The following RHOBTB2 variants were observed in gnomAD, a reference collection of about 807,000 sequenced individuals.
The protein encoded by RHOBTB2 is Rho related BTB domain containing 2.
RHOBTB2 carries 39 observed loss-of-function variants against 66.5 expected under a neutral mutation model. That is an observed-to-expected ratio of 0.59 (90% CI 0.45 to 0.77). RHOBTB2 has a LOEUF of 0.77. Ranked by LOEUF, RHOBTB2 falls within the 30% of genes least tolerant of loss-of-function variation. The pLI, the probability that RHOBTB2 is intolerant of heterozygous loss-of-function variation, is 0.00. For synonymous variants in RHOBTB2, 390 were observed against 395.0 expected, an observed-to-expected ratio of 0.99 and a Z score of 0.15; for missense variants, 755 against 999.1, an observed-to-expected ratio of 0.76 and a Z score of 3.29.
At chr8:22,968,412 G>T in the RHOBTB2 span, among the ~76,000 whole-genome samples, 1 of 152,034 alleles carries the variant, frequency 6.6e-6, no homozygotes, top group Non-Finnish European at 1.5e-5. Flanking sequence ...CTAGTTAGTT[G>T]AGAAGATTTA....
rs1300750276 is a variant in RHOBTB2, at chr8:23,007,588, T to C, written c.1343T>C (p.Ile448Thr). The C allele has an allele frequency of 2.5e-6, 4 of 1,614,100 alleles. No homozygotes were observed. The African/African-American group carries it at 5.3e-5, about 22-fold the overall frequency. The change falls in exon 5 of 10, where the codon ATT becomes ACT. Residue 448 changes from isoleucine (I) to threonine (T), a missense_variant. By Grantham distance (89) the Ile-to-Thr change is moderately conservative. Around this residue, in one of 7 missense-constraint regions of RHOBTB2, gnomAD observed 353 missense variants for 458.2 expected, o/e 0.77. Coordinates refer to ENST00000251822, the MANE Select transcript of RHOBTB2 (RefSeq NM_015178.3). ...GAGAACGAGCGTGACCTCATGCACA[T>C]TGCCCACATTGCTGAGCTGCTCGAG... is the stretch of plus-strand genomic sequence containing the variant. ...LDENERDLMH[I>T]AHIAELLEVF...
intron 7 of RHOBTB2, among the ~76,000 whole-genome samples, chr8:23,013,328 CCCT>C (rs1415633284): frequency 6.6e-6 from 1 of 152,016 alleles, no homozygotes; most frequent in Non-Finnish European, 1.5e-5. Context: ...CTCCACCTCT[CCCT>C]CCTCTCTCAC....
chr8:22,986,132 C>T (rs1015889795), upstream of RHOBTB2, among the ~76,000 whole-genome samples: 21 of 139,224 alleles, frequency 1.5e-4, no homozygotes, highest in African/African-American at 5.2e-4. Flanking sequence ...ACTGCAAGGA[C>T]GGTGGACTTC....
intron 1 of RHOBTB2, among the ~76,000 whole-genome samples, chr8:22,989,225 A>G (rs776499765): frequency 1.3e-5 from 2 of 151,964 alleles, no homozygotes; most frequent in Non-Finnish European, 2.9e-5. Flanking sequence ...TTGGCTCACT[A>G]CAACCTCTGC....
At chr8:22,979,710 C>CT in the RHOBTB2 span, among the ~76,000 whole-genome samples, 1 of 137,744 alleles carries the variant, frequency 7.3e-6, no homozygotes, top group Non-Finnish European at 1.6e-5. Context: ...TTTCTTTTTT[C>CT]TTTTTTCTTT....
chr8:22,955,144 G>C, the RHOBTB2 span, among the ~76,000 whole-genome samples: 1 of 151,910 alleles, frequency 6.6e-6, no homozygotes, highest in Non-Finnish European at 1.5e-5. Flanking sequence ...AAAAAGAAAA[G>C]ATACCCCAGA....
the RHOBTB2 span, among the ~76,000 whole-genome samples, chr8:22,966,987 A>T: frequency 6.6e-6 from 1 of 152,350 alleles, no homozygotes; most frequent in South Asian, 2.1e-4. Flanking sequence ...TATGCAAACC[A>T]GTGTGGTAGT....
intron 9 of RHOBTB2, among the ~76,000 whole-genome samples, chr8:23,016,410 T>A (rs1048386694): frequency 6.6e-6 from 1 of 151,972 alleles, no homozygotes; most frequent in Non-Finnish European, 1.5e-5. Context: ...TAAAAAAAAA[T>A]TATTTATTTA....
the RHOBTB2 span, among the ~76,000 whole-genome samples, chr8:22,953,122 C>T: frequency 3.3e-5 from 5 of 152,134 alleles, no homozygotes; most frequent in African/African-American, 7.2e-5. Flanking sequence ...GGAGGAACCA[C>T]ATGTGCGGCG....
the RHOBTB2 span, among the ~76,000 whole-genome samples, chr8:22,978,346 G>T: frequency 6.6e-6 from 1 of 151,732 alleles, no homozygotes; most frequent in African/African-American, 2.4e-5. Flanking sequence ...AATTAGCCAG[G>T]CGTGTTGGCG....
chr8:22,994,388 CA>C (rs1206517557), intron 2 of RHOBTB2, among the ~76,000 whole-genome samples: 1 of 152,228 alleles, frequency 6.6e-6, no homozygotes, highest in Non-Finnish European at 1.5e-5. Flanking sequence ...TCTTGGCCCC[CA>C]GGCTGGGGTC....
chr8:22,961,936 C>T, the RHOBTB2 span, among the ~76,000 whole-genome samples: 11 of 151,930 alleles, frequency 7.2e-5, no homozygotes, highest in Admixed American at 2.6e-4. Context: ...TTGCATAATA[C>T]TATGCTGATA....
chr8:23,010,669 A>C lies in RHOBTB2; in HGVS notation c.1752A>C (p.Pro584=). Residue 584 remains proline (P), a synonymous_variant, in exon 7 of 10, where the codon CCA becomes CCC. Transcript: ENST00000251822. ...TTCTAGCCAACCGCCTCTGCCTGCC[A>C]CACCTGGTTGCCCTCACAGGTAACT... The part of the protein sequence containing the change: ...LIILANRLCL[P]HLVALTEQYT... The C allele has an allele frequency of 6.2e-7, 1 of 1,614,086 alleles. No homozygotes were observed. The highest frequency in any genetic ancestry group is 8.5e-7 in the Non-Finnish European group (1 of 1,179,996).
Position 23,018,521 on chromosome 8 carries a change from A to T in RHOBTB2, c.*1052A>T, listed in dbSNP as rs1247477215. ...GATTTAGGTTGCAGAATCGACTCCA[A>T]TGCCTTTCAGGAAAGGACTCGGCAC... On this transcript the variant is annotated 3_prime_UTR_variant, in exon 10 of 10. Transcript: ENST00000251822. 1 of 152,294 alleles carries T rather than the reference A, an allele frequency of 6.6e-6. No individual in the cohort carries two copies. Among genetic ancestry groups the T allele is most frequent in the Non-Finnish European group, 1.5e-5 (1 of 68,058 alleles). 9.4% of individuals were successfully genotyped at this position (152,294 alleles called of 1,614,324 possible).
chr8:23,000,748 CTTTG>C (rs780541780), intron 1 of RHOBTB2, among the ~76,000 whole-genome samples: 15 of 152,228 alleles, frequency 9.9e-5, no homozygotes, highest in Admixed American at 2.0e-4. Flanking sequence ...TCCACTCTCT[CTTTG>C]TTCTTCTCCT....
At chr8:22,951,557 G>A in the RHOBTB2 span, among the ~76,000 whole-genome samples, 1 of 152,138 alleles carries the variant, frequency 6.6e-6, no homozygotes, top group African/African-American at 2.4e-5. Context: ...GCAATGTTTT[G>A]GGGGCAGGGG....
chr8:23,015,539 C>T, intron 8 of RHOBTB2, 99 bp from the exon 9 acceptor site: 1 of 790,070 alleles, frequency 1.3e-6, no homozygotes, highest in Non-Finnish European at 2.1e-6. Flanking sequence ...CTCTGCGTGC[C>T]CTGCACCAGA....
the RHOBTB2 span, among the ~76,000 whole-genome samples, chr8:22,967,281 A>G: frequency 2.0e-4 from 30 of 152,334 alleles, no homozygotes; most frequent in African/African-American, 7.2e-4. Context: ...CCTTGAAGGC[A>G]TTATTATGCT....
chr8:23,015,841 C>A, intron 9 of RHOBTB2, 98 bp downstream of exon 9: 1 of 880,128 alleles, frequency 1.1e-6, no homozygotes, highest in Non-Finnish European at 1.8e-6. Context: ...GCCAGTAATC[C>A]TTGACCTTGG....
Sources: allele counts gnomAD v4.1 joint callset (sites outside exome capture counted in the v4.1 genomes callset), GRCh38; gene constraint gnomAD v4.1.1; regional missense constraint gnomAD v4.1.1; transcripts MANE v1.5; gene names NCBI Gene and HGNC (gene_info 2026-07-23, HGNC 2026-07-21).